The following ACSM5 variants were observed in gnomAD, a reference collection of about 807,000 sequenced individuals.
The protein encoded by ACSM5 is acyl-CoA synthetase medium chain family member 5.
ACSM5 carries 56 observed loss-of-function variants against 71.6 expected under a neutral mutation model. That is an observed-to-expected ratio of 0.78 (90% confidence interval 0.63 to 0.98). ACSM5 has a LOEUF of 0.98. ACSM5 is among the 50% of genes least tolerant of loss of function. ACSM5 has a pLI of 0.00. For synonymous variants in ACSM5, 285 were observed against 281.5 expected (o/e 1.01, Z -0.12); for missense variants, 723 against 726.0 (o/e 1.00, Z 0.05).
intron 2 of ACSM5, among the ~76,000 whole-genome samples, chr16:20,415,124 G>T (rs1335619455): frequency 6.6e-6 from 1 of 152,126 alleles, no homozygotes; most frequent in African/African-American, 2.4e-5. Flanking sequence ...TCTTCTTGCT[G>T]GTTATATTAC....
At chr16:20,414,035 G>C (rs776225727) in intron 2 of ACSM5, among the ~76,000 whole-genome samples, 2 of 152,114 alleles carry the variant, frequency 1.3e-5, no homozygotes, top group African/African-American at 2.4e-5. Flanking sequence ...CCAAACTCTG[G>C]GGAGTTGTGG....
chr16:20,415,713 G>T (rs139103571), intron 2 of ACSM5, among the ~76,000 whole-genome samples: 5 of 152,296 alleles, frequency 3.3e-5, no homozygotes, highest in Non-Finnish European at 7.4e-5. Flanking sequence ...GAGCCCAGAG[G>T]GTGGAGCTGA....
At chr16:20,410,432 G>T (rs1178865395) in intron 1 of ACSM5, among the ~76,000 whole-genome samples, 1 of 152,142 alleles carries the variant, frequency 6.6e-6, no homozygotes, top group Non-Finnish European at 1.5e-5. Context: ...ACTTTGAGTA[G>T]CAAGACACTA....
intron 10 of ACSM5, among the ~76,000 whole-genome samples, chr16:20,431,944 C>CAA (rs747665777): frequency 7.9e-6 from 1 of 126,674 alleles, no homozygotes; most frequent in African/African-American, 2.9e-5. Flanking sequence ...GACTCCGTAT[C>CAA]AAAAAAAAAA....
chr16:20,438,649 G>C (rs770551844), intron 12 of ACSM5, among the ~76,000 whole-genome samples: 48 of 151,782 alleles, frequency 3.2e-4, no homozygotes, highest in Non-Finnish European at 5.9e-4. Flanking sequence ...ACTGAGTCTG[G>C]TGTGTAGAAA....
intron 5 of ACSM5, among the ~76,000 whole-genome samples, chr16:20,422,401 C>T (rs771357203): frequency 1.1e-4 from 17 of 152,202 alleles, no homozygotes; most frequent in Non-Finnish European, 2.1e-4. Context: ...TGAGCCACTG[C>T]ACCTGGCCTC....
intron 10 of ACSM5, among the ~76,000 whole-genome samples, chr16:20,433,326 T>A (rs571270702): frequency 6.6e-6 from 1 of 152,354 alleles, no homozygotes; most frequent in Non-Finnish European, 1.5e-5. Flanking sequence ...TTCACGTTGG[T>A]CATTCCCATT....
chr16:20,432,446 A>G (rs755046435), intron 10 of ACSM5, among the ~76,000 whole-genome samples: 1 of 152,232 alleles, frequency 6.6e-6, no homozygotes, highest in Non-Finnish European at 1.5e-5. Flanking sequence ...CTGTCACTAC[A>G]AGAGAAATAA....
intron 2 of ACSM5, 99 bp downstream of exon 2, chr16:20,411,787 T>G (rs1181537996): frequency 7.6e-7 from 1 of 1,311,896 alleles, no homozygotes; most frequent in African/African-American, 1.5e-5. Flanking sequence ...ATGAGGAAAT[T>G]TGGACCTGGG....
intron 12 of ACSM5, among the ~76,000 whole-genome samples, chr16:20,438,837 C>G (rs1967255948): frequency 6.6e-6 from 1 of 150,682 alleles, no homozygotes; most frequent in Non-Finnish European, 1.5e-5. Context: ...CGCCTATAAT[C>G]CCAGCTACTC....
intron 5 of ACSM5, among the ~76,000 whole-genome samples, chr16:20,423,518 A>C (rs1336629278): frequency 6.6e-6 from 1 of 152,204 alleles, no homozygotes; most frequent in Non-Finnish European, 1.5e-5. Flanking sequence ...CTATTAAAAC[A>C]TGCTCTCCAG....
At chr16:20,423,298 C>A (rs1034683963) in intron 5 of ACSM5, among the ~76,000 whole-genome samples, 39 of 152,278 alleles carry the variant, frequency 2.6e-4, no homozygotes, top group African/African-American at 7.2e-4. Flanking sequence ...AGTGCATGAC[C>A]GCTTTTTATG....
intron 7 of ACSM5, among the ~76,000 whole-genome samples, chr16:20,428,133 A>G (rs1967025800): frequency 6.6e-6 from 1 of 152,198 alleles, no homozygotes; most frequent in African/African-American, 2.4e-5. Flanking sequence ...ATGGAACTAA[A>G]TAGATTTAAG....
At chr16:20,409,860 T>C (rs1966844008) in intron 1 of ACSM5, among the ~76,000 whole-genome samples, 195 bp downstream of exon 1, 1 of 121,642 alleles carries the variant, frequency 8.2e-6, no homozygotes, top group Admixed American at 8.9e-5. Flanking sequence ...CAGAGCTCAG[T>C]TCAGGAGAGG....
At chr16:20,435,399 A>G (rs1435099591) in intron 10 of ACSM5, among the ~76,000 whole-genome samples, 2 of 152,202 alleles carry the variant, frequency 1.3e-5, no homozygotes, top group Admixed American at 6.5e-5. Flanking sequence ...AGTTTTCTCC[A>G]TACACATCTC....
Position 20,418,392 on chromosome 16 carries a change from T to C in ACSM5, c.415+123T>C, listed in dbSNP as rs927690073. The C allele has an allele frequency of 3.0e-6, 3 of 1,000,274 alleles. No individual in the cohort carries two copies. The African/African-American group carries it at 4.9e-5, about 16-fold the overall frequency. 62.0% of individuals were successfully genotyped at this position (1,000,274 alleles called of 1,614,324 possible). On this transcript the variant is annotated intron_variant, in intron 3 of 13. Coordinates refer to ENST00000331849, the MANE Select transcript of ACSM5 (RefSeq NM_017888.3). ...TGTATGTGGAGTTGTGTTTACTTCC[T>C]ATTTGCCTAACAATCACAGACTTGA...
chr16:20,417,465 A>C (rs1478376606), intron 2 of ACSM5, among the ~76,000 whole-genome samples: 3 of 152,250 alleles, frequency 2.0e-5, no homozygotes, highest in Non-Finnish European at 4.4e-5. Flanking sequence ...GCTACATATC[A>C]TATGATTCCA....
rs749063614 is a variant in ACSM5, at chr16:20,419,232, T to C, written c.420T>C (p.Thr140=). 1 of 1,614,122 alleles carries C rather than the reference T, an allele frequency of 6.2e-7. No individual in the cohort carries two copies. The highest frequency in any genetic ancestry group is 1.1e-5 in the South Asian group (1 of 91,074). ...TCCCCTTCTGTTTTATGCCAGGGAC[T>C]GTGATGATTCCGGGTGTGACTCAGC... ...LVSVACMRTG[T]VMIPGVTQLT... Residue 140 remains threonine, a synonymous_variant, in exon 4 of 14, where the codon ACT becomes ACC. Coordinates refer to ENST00000331849, the MANE Select transcript of ACSM5 (RefSeq NM_017888.3).
intron 5 of ACSM5, among the ~76,000 whole-genome samples, chr16:20,421,656 T>TATATAC (rs1395366828): frequency 3.8e-5 from 4 of 106,064 alleles, no homozygotes; most frequent in African/African-American, 7.7e-5. Flanking sequence ...TATATATATA[T>TATATAC]ACACACACAC....
Sources: allele counts gnomAD v4.1 joint callset (sites outside exome capture counted in the v4.1 genomes callset), GRCh38; gene constraint gnomAD v4.1.1; transcripts MANE v1.5; gene names NCBI Gene and HGNC (gene_info 2026-07-23, HGNC 2026-07-21).